The following GNS variants were observed in gnomAD, a reference collection of about 807,000 sequenced individuals.
The protein encoded by GNS is N-acetylglucosamine-6-sulfatase.
GNS carries 40 observed loss-of-function variants against 69.7 expected under a neutral mutation model. The observed-to-expected ratio is 0.57, with a 90% confidence interval of 0.45 to 0.75. The LOEUF (loss-of-function observed/expected upper bound fraction) is 0.75, where lower values mean the gene tolerates loss of function less well. Among genes scored for constraint, GNS ranks in the 30% least tolerant of loss-of-function variants. The probability of loss-of-function intolerance (pLI) is 0.00; values close to 1 mark genes in which losing one functional copy is unlikely to be tolerated. For missense variants in GNS, 565 were observed against 685.5 expected, an observed-to-expected ratio of 0.82 and a Z score of 1.96; for synonymous variants, 243 against 251.6, an observed-to-expected ratio of 0.97 and a Z score of 0.32.
chr12:64,731,607 A>G lies in GNS; in HGVS notation c.1099-2550T>C, dbSNP rs556275206. 1.8e-4 allele frequency among the ~76,000 whole-genome samples: 27 copies of G among 152,346 alleles called. No individual in the cohort carries two copies. The South Asian group carries it at 2.1e-3, about 12-fold the overall frequency. ...AGTCTCAAAATTAGCATACTATATC[A>G]GGAGATGGGAGACTTCTAGCAAATA... On this transcript the variant is annotated intron_variant, in intron 9 of 13. Coordinates refer to ENST00000258145, the MANE Select transcript of GNS (RefSeq NM_002076.4).
intron 5 of GNS, 108 bp from the exon 6 acceptor site, chr12:64,743,416 G>T: frequency 1.3e-6 from 1 of 774,246 alleles, no homozygotes; most frequent in Non-Finnish European, 2.3e-6. Context: ...TAGCTTTTAA[G>T]CAATCTTAGC....
chr12:64,724,862 G>GAAA (rs1050166555), intron 10 of GNS, among the ~76,000 whole-genome samples: 1 of 152,040 alleles, frequency 6.6e-6, no homozygotes, highest in African/African-American at 2.4e-5. Flanking sequence ...CTCTGTCTCG[G>GAAA]AAAAAACAAA....
rs907820055 is a variant in GNS, at chr12:64,744,729, T to C, written c.624+80A>G. ...ATTACCCAACACAAACGAATAAGATTATAGGTTTTCTAGGCAGAGTCTTCA... is the reference window on the plus strand; with the variant it reads ...ATTACCCAACACAAACGAATAAGATCATAGGTTTTCTAGGCAGAGTCTTCA... On this transcript the variant is annotated intron_variant, in intron 5 of 13. Transcript: ENST00000258145. 100 of 784,962 alleles carry C rather than the reference T, an allele frequency of 1.3e-4. No individual in the cohort carries two copies. The African/African-American group carries it at 1.6e-3, about 13-fold the overall frequency. 48.6% of individuals were successfully genotyped at this position (784,962 alleles called of 1,614,324 possible).
At chr12:64,728,064 C>T (rs1869264357) in intron 10 of GNS, among the ~76,000 whole-genome samples, 1 of 152,164 alleles carries the variant, frequency 6.6e-6, no homozygotes, top group Non-Finnish European at 1.5e-5. Context: ...GCTGGGATTA[C>T]AGGTGCCCGC....
intron 9 of GNS, among the ~76,000 whole-genome samples, chr12:64,734,130 G>A (rs898039586): frequency 2.6e-5 from 4 of 152,196 alleles, no homozygotes; most frequent in African/African-American, 9.6e-5. Context: ...CCAGGGGAAA[G>A]CTGGGGCATT....
intron 13 of GNS, among the ~76,000 whole-genome samples, chr12:64,719,754 C>G (rs1196447755): frequency 6.6e-6 from 1 of 152,084 alleles, no homozygotes; most frequent in East Asian, 1.9e-4. Context: ...GGTACCATGA[C>G]AATAATCACA....
chr12:64,732,442 A>G (rs1195736710), intron 9 of GNS, among the ~76,000 whole-genome samples: 2 of 149,296 alleles, frequency 1.3e-5, no homozygotes, highest in South Asian at 2.1e-4. Context: ...TGCTGGGATT[A>G]CAGGTGTGAA....
At chr12:64,756,996 T>C (rs1479329009) in intron 1 of GNS, among the ~76,000 whole-genome samples, 7 of 152,132 alleles carry the variant, frequency 4.6e-5, no homozygotes, top group African/African-American at 1.7e-4. Flanking sequence ...TTGGGCAACA[T>C]GGAGAAATCC....
intron 3 of GNS, among the ~76,000 whole-genome samples, chr12:64,746,620 T>C (rs1869906811): frequency 6.6e-6 from 1 of 152,236 alleles, no homozygotes; most frequent in Non-Finnish European, 1.5e-5. Flanking sequence ...ACCACAGAAT[T>C]ATCCCACTTT....
intron 9 of GNS, among the ~76,000 whole-genome samples, chr12:64,731,418 G>T (rs1268883448): frequency 6.6e-6 from 1 of 152,038 alleles, no homozygotes; most frequent in African/African-American, 2.4e-5. Flanking sequence ...GAGATAAAGG[G>T]GTAAGTTCCA....
intron 9 of GNS, among the ~76,000 whole-genome samples, chr12:64,734,547 G>A (rs1869502724): frequency 6.6e-6 from 1 of 152,204 alleles, no homozygotes; most frequent in Non-Finnish European, 1.5e-5. Flanking sequence ...TTGTACAAAA[G>A]CCAGGAGGTG....
At position 64,715,380 on chromosome 12, in the gene GNS, TG is replaced by T. The variant is rs1336855426; in HGVS notation, c.*1360del. 2.0e-5 allele frequency: 3 copies of T among 152,174 alleles called. No individual in the cohort carries two copies. Among genetic ancestry groups the T allele is most frequent in the African/African-American group, 7.2e-5 (3 of 41,384 alleles). The allele number at this position is 152,174 out of a possible 1,614,324, so 9.4% of individuals were successfully genotyped here. A position where few individuals can be genotyped will look rare whatever the true frequency, so the allele number is the denominator to read the frequency against. On this transcript the variant is annotated 3_prime_UTR_variant, in exon 14 of 14. Coordinates refer to ENST00000258145, the MANE Select transcript of GNS (RefSeq NM_002076.4). ...AAAAATACAAAAAATTAGCTGGGCG[TG>T]GTGGTGCGTGCCTATAATCCCAGCT...
chr12:64,727,083 C>A (rs1482882039), intron 10 of GNS, among the ~76,000 whole-genome samples: 2 of 151,982 alleles, frequency 1.3e-5, no homozygotes, highest in African/African-American at 2.4e-5. Flanking sequence ...ACACCTACTA[C>A]AATATAATAA....
At chr12:64,725,969 C>T (rs1344373414) in intron 10 of GNS, among the ~76,000 whole-genome samples, 1 of 132,534 alleles carries the variant, frequency 7.5e-6, no homozygotes, top group Non-Finnish European at 1.5e-5. Context: ...GCACTCCAAC[C>T]TGGGCGACAG....
chr12:64,727,367 C>CA (rs372621704), intron 10 of GNS, among the ~76,000 whole-genome samples: 1 of 151,542 alleles, frequency 6.6e-6, no homozygotes, highest in Non-Finnish European at 1.5e-5. Flanking sequence ...GCGTAGGAGA[C>CA]TGAGGCTGCA....
At chr12:64,725,927 C>T (rs561644976) in intron 10 of GNS, among the ~76,000 whole-genome samples, 28 of 126,700 alleles carry the variant, frequency 2.2e-4, no homozygotes, top group African/African-American at 6.9e-4. Flanking sequence ...ACCAGGGAGG[C>T]GGAGCTTGCA....
rs750170848 is a variant in GNS, at chr12:64,752,730, T to C, written c.220A>G (p.Ile74Val). Residue 74 changes from isoleucine to valine, a missense_variant, in exon 2 of 14, where the codon ATC (isoleucine) becomes GTC (valine). Transcript: ENST00000258145. ...GAAAAAGTCATCCCCATCTCTCCGA[T>C]GAGAGCTTTGGTTTTCTTTAGCGGT... ...MTPLKKTKAL[I>V]GEMGMTFSSA... The C allele has an allele frequency of 1.0e-5, 16 of 1,535,164 alleles. No homozygotes were observed. In the South Asian group the frequency reaches 1.8e-4, roughly 17 times the overall value.
At chr12:64,740,753 C>A in intron 6 of GNS, 65 bp from the exon 7 acceptor site, 1 of 805,844 alleles carries the variant, frequency 1.2e-6, no homozygotes, top group Non-Finnish European at 2.2e-6. Context: ...TACTGGATTA[C>A]TACAGTAGAT....
At chr12:64,749,390 C>T (rs1192443114) in intron 2 of GNS, among the ~76,000 whole-genome samples, 1 of 150,724 alleles carries the variant, frequency 6.6e-6, no homozygotes, top group Non-Finnish European at 1.5e-5. Flanking sequence ...GTAGCTGGGA[C>T]TACAGGTGCC....
Sources: allele counts gnomAD v4.1 joint callset (sites outside exome capture counted in the v4.1 genomes callset), GRCh38; gene constraint gnomAD v4.1.1; transcripts MANE v1.5; gene names NCBI Gene and HGNC (gene_info 2026-07-23, HGNC 2026-07-21).